ZMYM4: variants seen among roughly 807,000 people sequenced by gnomAD.
ZMYM4 encodes the protein zinc finger MYM-type containing 4, also known as zinc finger MYM-type protein 4.
A neutral mutation model predicts 183.2 loss-of-function variants in ZMYM4; 31 were observed. That is an observed-to-expected ratio of 0.17 (90% CI 0.13 to 0.23). The LOEUF (loss-of-function observed/expected upper bound fraction) is 0.23. ZMYM4 is among the 10% of genes least tolerant of loss of function. The pLI, the probability that ZMYM4 is intolerant of heterozygous loss-of-function variation, is 1.00. For synonymous variants in ZMYM4, 592 were observed against 631.2 expected, an observed-to-expected ratio of 0.94 and a Z score of 0.93; for missense variants, 1,273 against 1,840.3, an observed-to-expected ratio of 0.69 and a Z score of 5.64.
chr1:35,344,798 T>C (rs1643333447), intron 2 of ZMYM4, among the ~76,000 whole-genome samples: 1 of 152,248 alleles, frequency 6.6e-6, no homozygotes, highest in South Asian at 2.1e-4. Context: ...GTATTTTTCA[T>C]GTAATGTGTT....
At chr1:35,374,415 T>C (rs1283941313) in intron 7 of ZMYM4, among the ~76,000 whole-genome samples, 1 of 152,162 alleles carries the variant, frequency 6.6e-6, no homozygotes, top group Non-Finnish European at 1.5e-5. Context: ...TGCCATGAAA[T>C]CATTCACATA....
intron 1 of ZMYM4, among the ~76,000 whole-genome samples, chr1:35,279,133 A>G (rs1034928092): frequency 3.3e-5 from 5 of 151,830 alleles, no homozygotes; most frequent in African/African-American, 4.8e-5. Flanking sequence ...CCCAACCCCC[A>G]CTATGCTGCT....
chr1:35,337,245 C>G (rs1249690396), intron 2 of ZMYM4, among the ~76,000 whole-genome samples: 1 of 152,012 alleles, frequency 6.6e-6, no homozygotes, highest in African/African-American at 2.4e-5. Context: ...GCCTGTAGTC[C>G]CAGCTACTTG....
chr1:35,384,175 A>G (rs76155510), intron 9 of ZMYM4, among the ~76,000 whole-genome samples: 2,055 of 152,300 alleles, frequency 0.013, 50 homozygotes, highest in African/African-American at 0.047. Flanking sequence ...CAGAGGTAGC[A>G]TAGTGAGCTC....
At chr1:35,402,077 A>G (rs1644919537) in intron 23 of ZMYM4, among the ~76,000 whole-genome samples, 2 of 150,026 alleles carry the variant, frequency 1.3e-5, no homozygotes, top group South Asian at 2.1e-4. Context: ...TGTCATTTGC[A>G]TGTCTATATA....
intron 2 of ZMYM4, among the ~76,000 whole-genome samples, chr1:35,333,142 A>C (rs1642826765): frequency 6.6e-6 from 1 of 152,192 alleles, no homozygotes; most frequent in Non-Finnish European, 1.5e-5. Flanking sequence ...AAAATATTCT[A>C]AGCCATAAAA....
chr1:35,284,045 C>T (rs562552494), intron 1 of ZMYM4, among the ~76,000 whole-genome samples: 1 of 151,744 alleles, frequency 6.6e-6, no homozygotes, highest in Non-Finnish European at 1.5e-5. Context: ...GGCGCAATCT[C>T]GGCTCACTGC....
chr1:35,392,142 C>T (rs1644719375), intron 15 of ZMYM4, 70 bp from the exon 16 acceptor site: 1 of 1,593,758 alleles, frequency 6.3e-7, no homozygotes, highest in Non-Finnish European at 8.6e-7. Flanking sequence ...GTTTAACTTC[C>T]TTGAAATGGT....
In ZMYM4 at chr1:35,382,382, A is replaced by G. The variant is rs1412315184; in HGVS notation, c.1569+624A>G. 3.3e-5 allele frequency among the ~76,000 whole-genome samples: 5 copies of G among 151,720 alleles called. 1 individual carries two copies. Among genetic ancestry groups the G allele is most frequent in the Non-Finnish European group, 5.9e-5 (4 of 67,926 alleles). On this transcript the variant is annotated intron_variant, in intron 9 of 29. Transcript: ENST00000314607. ...GCATTAAATATTCATACAGAGTTCTATAAGTAGCAGTTTTATTCATGCATT... is the reference window on the plus strand; with the variant it reads ...GCATTAAATATTCATACAGAGTTCTGTAAGTAGCAGTTTTATTCATGCATT...
intron 3 of ZMYM4, 26 bp from the exon 4 acceptor site, chr1:35,361,168 G>T (rs1182696934): frequency 2.6e-6 from 4 of 1,559,030 alleles, no homozygotes; most frequent in African/African-American, 1.4e-5. Flanking sequence ...ACATGTGTTT[G>T]TTTGTTTTTT....
At chr1:35,357,270 A>G (rs1476422014) in intron 2 of ZMYM4, among the ~76,000 whole-genome samples, 1 of 152,208 alleles carries the variant, frequency 6.6e-6, no homozygotes, top group East Asian at 1.9e-4. Context: ...AACAAAAGGA[A>G]TTTATTGGAT....
rs201360397 is a variant in ZMYM4, at chr1:35,283,326, CTTTTTTTTTTTT to C, written c.39+14259_39+14270del. Reference sequence around the variant, plus strand: ...TGTCCTAGTGGGTGTGAAGTGGTATCTTTTTTTTTTTTTTTTTTTTTTTTTTTTTGAGACGGA... The same window carrying C: ...TGTCCTAGTGGGTGTGAAGTGGTATCTTTTTTTTTTTTTTTTTGAGACGGA... On this transcript the variant is annotated intron_variant, in intron 1 of 29. Coordinates refer to ENST00000314607, the MANE Select transcript of ZMYM4 (RefSeq NM_005095.3). Among the ~76,000 whole-genome samples the C allele has an allele frequency of 1.4e-3, 82 of 56,768 alleles. 1 individual carries two copies. Among genetic ancestry groups the C allele is most frequent in the East Asian group, 5.8e-3 (21 of 3,606 alleles). 37.2% of individuals were successfully genotyped at this position (56,768 alleles called of 152,430 possible). A position where few individuals can be genotyped will look rare whatever the true frequency, so the allele number is the denominator to read the frequency against.
intron 9 of ZMYM4, 48 bp from the exon 10 acceptor site, chr1:35,385,392 CTT>C: frequency 6.4e-7 from 1 of 1,550,434 alleles, no homozygotes; most frequent in Non-Finnish European, 8.7e-7. Context: ...AAGAATTATG[CTT>C]TTACTAGGAA....
chr1:35,320,786 C>T (rs1468715735), intron 1 of ZMYM4, among the ~76,000 whole-genome samples: 3 of 152,194 alleles, frequency 2.0e-5, no homozygotes, highest in Non-Finnish European at 4.4e-5. Context: ...CATATCTGGT[C>T]ACTGAAATGT....
chr1:35,276,693 C>G (rs941324814), intron 1 of ZMYM4, among the ~76,000 whole-genome samples: 4 of 151,966 alleles, frequency 2.6e-5, no homozygotes, highest in Non-Finnish European at 1.5e-5. Context: ...CTGCATCGTC[C>G]GTCTCCTGGG....
At chr1:35,304,444 T>C (rs1378172136) in intron 1 of ZMYM4, among the ~76,000 whole-genome samples, 2 of 151,928 alleles carry the variant, frequency 1.3e-5, no homozygotes, top group African/African-American at 4.8e-5. Context: ...TTATTTCAGT[T>C]ATTTGATTTT....
rs193229453 is a variant in ZMYM4, at chr1:35,301,510, T to C, written c.40-23850T>C. 1.1e-4 allele frequency among the ~76,000 whole-genome samples: 17 copies of C among 149,734 alleles called. 2 individuals are homozygous for C. Among genetic ancestry groups the C allele is most frequent in the African/African-American group, 2.7e-4 (11 of 40,342 alleles). On this transcript the variant is annotated intron_variant, in intron 1 of 29. Coordinates refer to ENST00000314607, the MANE Select transcript of ZMYM4 (RefSeq NM_005095.3). ...GCAGTGAGCCAAGGTCATGCCACTG[T>C]ACTCCAGCCTGGGTGACAGAGTGAG...
In ZMYM4 at chr1:35,371,096, TGTGTGTGTGTGC is replaced by T. The variant is rs767552916; in HGVS notation, c.1181+471_1181+482del. Among the ~76,000 whole-genome samples, 1,099 of 130,322 alleles carry T rather than the reference TGTGTGTGTGTGC, an allele frequency of 8.4e-3. 5 individuals are homozygous for T. Among genetic ancestry groups the T allele is most frequent in the Non-Finnish European group, 0.013 (835 of 62,678 alleles). 85.5% of individuals were successfully genotyped at this position (130,322 alleles called of 152,430 possible). ...GTGTGTGTGTGTGTGTGTGTGTGTG[TGTGTGTGTGTGC>T]GCACATTTATTTATTTATTTATTTT... On this transcript the variant is annotated intron_variant, in intron 7 of 29. Transcript: ENST00000314607.
At chr1:35,276,687 A>G (rs529394756) in intron 1 of ZMYM4, among the ~76,000 whole-genome samples, 4 of 151,698 alleles carry the variant, frequency 2.6e-5, no homozygotes, top group Non-Finnish European at 5.9e-5. Flanking sequence ...GGCTCACTGC[A>G]TCGTCCGTCT....
Sources: gnomAD v4.1 joint callset for allele counts (sites outside exome capture counted in the v4.1 genomes callset) on GRCh38, gnomAD v4.1.1 for gene constraint, MANE v1.5 for transcripts, NCBI Gene and HGNC (gene_info 2026-07-23, HGNC 2026-07-21) for gene names.